The following CRIPT variants were observed in gnomAD, a reference collection of about 807,000 sequenced individuals.
The protein encoded by CRIPT is cysteine-rich PDZ-binding protein.
A neutral mutation model predicts 16.6 loss-of-function variants in CRIPT; 20 were observed. The ratio of observed to expected loss-of-function variants is 1.20; its 90% CI spans 0.85 to 1.75. CRIPT has a LOEUF of 1.75. Ranked by LOEUF, CRIPT falls within the 40% of genes most tolerant of loss-of-function variation. The pLI is 0.00. For missense variants in CRIPT, 133 were observed against 115.3 expected (o/e 1.15, Z -0.70); for synonymous variants, 42 against 37.0 (o/e 1.14, Z -0.49).
Position 46,624,255 on chromosome 2 carries a change from A to G in CRIPT, c.*28A>G. The G allele has an allele frequency of 1.3e-6, 2 of 1,481,778 alleles. No homozygotes were observed. The highest frequency in any genetic ancestry group is 1.9e-5 in the Admixed American group (1 of 52,028). 91.8% of individuals were successfully genotyped at this position (1,481,778 alleles called of 1,614,324 possible). ...GTATTGATGGAATTTCTGGCTTTCT[A>G]AATGATTTTACTTTCTGCCTTGAAT... On this transcript the variant is annotated 3_prime_UTR_variant, in exon 5 of 5. Transcript: ENST00000238892.
rs199606104 is a variant in CRIPT, at chr2:46,625,918, A to AT, written c.*1699dup. Among the ~76,000 whole-genome samples the AT allele has an allele frequency of 7.6e-3, 1,149 of 151,792 alleles. 13 individuals are homozygous for AT. The highest frequency in any genetic ancestry group is 0.026 in the African/African-American group (1,095 of 41,364). On this transcript the variant is annotated 3_prime_UTR_variant, in exon 5 of 5. Transcript: ENST00000238892. ...TCTGGACTTGCCTAACTCACATTTC[A>AT]TTTTTTTTGTTGTTGTTGTTGTTTT...
chr2:46,617,296 A>C lies in CRIPT; in HGVS notation c.14A>C (p.Lys5Thr). 1 of 1,555,136 alleles carries C rather than the reference A, an allele frequency of 6.4e-7. No homozygotes were observed. The highest frequency in any genetic ancestry group is 1.4e-5 in the African/African-American group (1 of 73,654). ...TCGTGGGGAAGGATGGTGTGCGAAA[A>C]ATGTGAGTTAAGGGGCCGCTTCTGC... MVCE[K>T]CEKKLGTVIT... Residue 5 changes from lysine (K) to threonine (T), a missense_variant and splice_region_variant, in exon 1 of 5, where the codon AAA (lysine) becomes ACA (threonine). Lys to Thr is a moderately conservative substitution (Grantham distance 78, BLOSUM62 -1). Transcript: ENST00000238892.
At chr2:46,620,870 A>G (rs1303819942) in intron 3 of CRIPT, among the ~76,000 whole-genome samples, 1 of 151,818 alleles carries the variant, frequency 6.6e-6, no homozygotes, top group Non-Finnish European at 1.5e-5. Context: ...TCTTCTCATC[A>G]TAGTAGCACC....
At position 46,624,529 on chromosome 2, in the gene CRIPT, TTATTTA is replaced by T; in HGVS notation, c.*305_*310del. 3 of 193,518 alleles carry T rather than the reference TTATTTA, an allele frequency of 1.6e-5. No homozygotes were observed. The highest frequency in any genetic ancestry group is 3.1e-5 in the Non-Finnish European group (3 of 95,244). 12.0% of individuals were successfully genotyped at this position (193,518 alleles called of 1,614,324 possible). ...TTCATATAATTCTCCCCCCACCACT[TTATTTA>T]TAGATACTGCAAAAGTGAGAAGGAG... On this transcript the variant is annotated 3_prime_UTR_variant, in exon 5 of 5. Transcript: ENST00000238892.
At chr2:46,620,796 A>G (rs1463346759) in intron 3 of CRIPT, among the ~76,000 whole-genome samples, 6 of 151,284 alleles carry the variant, frequency 4.0e-5, no homozygotes, top group African/African-American at 9.7e-5. Flanking sequence ...CTCTAAACGT[A>G]TATCTAGCAG....
rs569354646 is a variant in CRIPT, at chr2:46,627,392, C to T, written c.*3165C>T. Among the ~76,000 whole-genome samples the T allele has an allele frequency of 2.0e-5, 3 of 150,724 alleles. No homozygotes were observed. Among genetic ancestry groups the T allele is most frequent in the Non-Finnish European group, 3.0e-5 (2 of 67,780 alleles). On this transcript the variant is annotated 3_prime_UTR_variant, in exon 5 of 5. Coordinates refer to ENST00000238892, the MANE Select transcript of CRIPT (RefSeq NM_014171.6). ...CATAGCTGATGTCCAGATGTTATTT[C>T]GTAGGTTTTCTTCTAGGACTCTTAT...
intron 2 of CRIPT, 71 bp from the exon 3 acceptor site, chr2:46,619,556 A>T: frequency 9.6e-7 from 1 of 1,043,614 alleles, no homozygotes; most frequent in East Asian, 2.7e-5. Flanking sequence ...AAAGTCAAGG[A>T]ATGAACTTCT....
chr2:46,621,916 T>C (rs962670523), intron 3 of CRIPT, among the ~76,000 whole-genome samples: 1 of 152,238 alleles, frequency 6.6e-6, no homozygotes, highest in Admixed American at 6.5e-5. Context: ...TTCCAGTTCC[T>C]TTATGCTCTC....
At position 46,629,646 on chromosome 2, in the gene CRIPT, G is replaced by A. The variant is rs1435931246; in HGVS notation, c.*5419G>A. Among the ~76,000 whole-genome samples the A allele has an allele frequency of 6.6e-6, 1 of 152,098 alleles. No individual in the cohort carries two copies. The highest frequency in any genetic ancestry group is 6.6e-5 in the Admixed American group (1 of 15,262). The stretch of plus-strand genomic sequence containing the variant: ...GGTTAGATTGGGGTAGTGCAGTGAG[G>A]GTTGAAATGCTGTAAGTGATATGTA... On this transcript the variant is annotated 3_prime_UTR_variant, in exon 5 of 5. Coordinates refer to ENST00000238892, the MANE Select transcript of CRIPT (RefSeq NM_014171.6).
chr2:46,617,669 C>CT (rs1670699065), intron 1 of CRIPT, among the ~76,000 whole-genome samples: 1 of 152,162 alleles, frequency 6.6e-6, no homozygotes, highest in Non-Finnish European at 1.5e-5. Context: ...CTGCCAAATG[C>CT]TAGACACTAG....
At chr2:46,623,238 A>G (rs1469978511) in intron 3 of CRIPT, among the ~76,000 whole-genome samples, 2 of 152,226 alleles carry the variant, frequency 1.3e-5, no homozygotes, top group Non-Finnish European at 2.9e-5. Flanking sequence ...AGTGCTTTAC[A>G]TGATTGTCGT....
At chr2:46,618,678 A>G in intron 1 of CRIPT, 95 bp from the exon 2 acceptor site, 3 of 708,896 alleles carry the variant, frequency 4.2e-6, no homozygotes, top group Admixed American at 2.7e-5. Flanking sequence ...CGGTAATACC[A>G]TTGATAGTCG....
In CRIPT at chr2:46,624,639, T is replaced by G. The variant is rs1358824481; in HGVS notation, c.*412T>G. On this transcript the variant is annotated 3_prime_UTR_variant, in exon 5 of 5. Coordinates refer to ENST00000238892, the MANE Select transcript of CRIPT (RefSeq NM_014171.6). ...ACTCCCTTGCTGGTGTCATAGTTAT[T>G]AGAATCAGCAGCCTCTTAACTAATT... 6.5e-6 allele frequency: 1 copy of G among 153,088 alleles called. No individual in the cohort carries two copies. The highest frequency in any genetic ancestry group is 1.5e-5 in the Non-Finnish European group (1 of 68,638). 9.5% of individuals were successfully genotyped at this position (153,088 alleles called of 1,614,324 possible).
rs1054901793 is a variant in CRIPT at position 46,627,724 on chromosome 2, C to T, written c.*3497C>T. Among the ~76,000 whole-genome samples the T allele has an allele frequency of 5.3e-5, 8 of 152,266 alleles. No individual in the cohort carries two copies. The highest frequency in any genetic ancestry group is 1.9e-4 in the African/African-American group (8 of 41,570). ...TCTCCCAAAGTGCTGGGATTACAGG[C>T]ATGAGCCACTGCACCCGGCCCCTTA... On this transcript the variant is annotated 3_prime_UTR_variant, in exon 5 of 5. Transcript: ENST00000238892.
chr2:46,618,441 C>G lies in CRIPT; in HGVS notation c.17-332C>G, dbSNP rs73926534. 3.8e-3 allele frequency among the ~76,000 whole-genome samples: 582 copies of G among 152,280 alleles called. 4 individuals carry two copies. Among genetic ancestry groups the G allele is most frequent in the African/African-American group, 0.013 (552 of 41,556 alleles). On this transcript the variant is annotated intron_variant, in intron 1 of 4. Transcript: ENST00000238892. ...CTTTAAAATTGTGTCTGATTCATCACTTCATTTTTCTCAGCACTTTGTATA... is the reference window on the plus strand; with the variant it reads ...CTTTAAAATTGTGTCTGATTCATCAGTTCATTTTTCTCAGCACTTTGTATA...
chr2:46,621,239 C>G (rs1670797470), intron 3 of CRIPT, among the ~76,000 whole-genome samples: 1 of 152,206 alleles, frequency 6.6e-6, no homozygotes, highest in African/African-American at 2.4e-5. Context: ...ACAAGGTCCT[C>G]CTTAATATGA....
At chr2:46,622,907 C>T (rs6725143) in intron 3 of CRIPT, among the ~76,000 whole-genome samples, 7,402 of 151,154 alleles carry the variant, frequency 0.049, 261 homozygotes, top group African/African-American at 0.11. Flanking sequence ...AGTTCTAGGA[C>T]GGTGTTTCGT....
intron 3 of CRIPT, among the ~76,000 whole-genome samples, chr2:46,621,347 G>T (rs1454225462): frequency 1.3e-5 from 2 of 152,144 alleles, no homozygotes; most frequent in African/African-American, 4.8e-5. Context: ...CATCCAAAGA[G>T]ATTTGTACTT....
Position 46,619,784 on chromosome 2 carries a change from G to A in CRIPT, c.137+103G>A, listed in dbSNP as rs1670759461. The A allele has an allele frequency of 3.4e-6, 3 of 870,010 alleles. No homozygotes were observed. In the South Asian group the frequency reaches 5.0e-5, roughly 15 times the overall value. The allele number at this position is 870,010 out of a possible 1,614,324, so 53.9% of individuals were successfully genotyped here. A position where few individuals can be genotyped will look rare whatever the true frequency, so the allele number is the denominator to read the frequency against. On this transcript the variant is annotated intron_variant, in intron 3 of 4. Coordinates refer to ENST00000238892, the MANE Select transcript of CRIPT (RefSeq NM_014171.6). Reference sequence around the variant, plus strand: ...GCATCATTCCATTTGCAATAAAACAGAGTTAGGTGGTTCCTAGCACTCAGA... The same window carrying A: ...GCATCATTCCATTTGCAATAAAACAAAGTTAGGTGGTTCCTAGCACTCAGA...
Sources: allele counts gnomAD v4.1 joint callset (sites outside exome capture counted in the v4.1 genomes callset), GRCh38; gene constraint gnomAD v4.1.1; transcripts MANE v1.5; gene names NCBI Gene and HGNC (gene_info 2026-07-23, HGNC 2026-07-21).